ROBO2: variants seen among roughly 807,000 people sequenced by gnomAD.
The protein encoded by ROBO2 is roundabout homolog 2.
Under a neutral mutation model 160.8 loss-of-function variants are expected in ROBO2, and 53 were observed. That is an observed-to-expected ratio of 0.33 (90% CI 0.26 to 0.41). The LOEUF (loss-of-function observed/expected upper bound fraction) is 0.41, where lower values mean the gene tolerates loss of function less well. Ranked by LOEUF, ROBO2 falls within the 10% of genes least tolerant of loss-of-function variation. ROBO2 has a pLI of 1.00. For missense variants in ROBO2, 1,577 were observed against 1,722.4 expected, an observed-to-expected ratio of 0.92 and a Z score of 1.49; for synonymous variants, 664 against 611.7, an observed-to-expected ratio of 1.09 and a Z score of -1.26.
intron 5 of ROBO2, among the ~76,000 whole-genome samples, chr3:77,519,912 T>A (rs1259760589): frequency 6.6e-6 from 1 of 151,526 alleles, no homozygotes; most frequent in Non-Finnish European, 1.5e-5. Context: ...GTGTAAGCAT[T>A]CTCTTTTTTC....
intron 23 of ROBO2, among the ~76,000 whole-genome samples, chr3:77,628,703 G>A (rs995854159): frequency 1.3e-5 from 2 of 152,110 alleles, no homozygotes; most frequent in African/African-American, 2.4e-5. Flanking sequence ...AAGGGATGTC[G>A]AAAATCCCAG....
intron 15 of ROBO2, 41 bp downstream of exon 16, chr3:77,577,655 T>G (rs2093804473): frequency 6.2e-7 from 1 of 1,611,146 alleles, no homozygotes; most frequent in Admixed American, 1.7e-5. Flanking sequence ...ATGTAAAGGT[T>G]CCCAGAGAAA....
rs1005002409 is a variant in ROBO2 at position 75,935,112 on chromosome 3, G to A, written c.-13-2369G>A. 2.0e-5 allele frequency among the ~76,000 whole-genome samples: 3 copies of A among 151,960 alleles called. No individual in the cohort carries two copies. In the South Asian group the frequency reaches 6.2e-4, roughly 32 times the overall value. The stretch of plus-strand genomic sequence containing the variant: ...CCTGCCTCAGCCTCCCAAAGTGCTG[G>A]GATTACATGCATGTTAAGTGGTACT... On this transcript the variant is annotated intron_variant, in intron 1 of 26. Transcript: ENST00000487694.
intron 2 of ROBO2, among the ~76,000 whole-genome samples, chr3:77,023,025 A>G (rs1278571611): frequency 1.3e-5 from 2 of 152,072 alleles, no homozygotes; most frequent in Non-Finnish European, 2.9e-5. Context: ...TAGGAATCTC[A>G]TATATACAAT....
At chr3:76,946,781 T>A (rs2078575384) in intron 2 of ROBO2, among the ~76,000 whole-genome samples, 1 of 152,130 alleles carries the variant, frequency 6.6e-6, no homozygotes. Context: ...CTCCCCAAAC[T>A]CCCAGTTCAA....
chr3:76,416,592 C>T (rs577849045), intron 2 of ROBO2, among the ~76,000 whole-genome samples: 1 of 152,074 alleles, frequency 6.6e-6, no homozygotes, highest in African/African-American at 2.4e-5. Flanking sequence ...CTCACTTTTG[C>T]CCATGTTTTG....
At chr3:76,707,674 C>G (rs1272644859) in intron 2 of ROBO2, among the ~76,000 whole-genome samples, 3 of 149,846 alleles carry the variant, frequency 2.0e-5, no homozygotes, top group African/African-American at 7.4e-5. Context: ...ATGCCTAGTA[C>G]TTTGGTAAGA....
At chr3:76,780,848 T>C (rs1023469075) in intron 2 of ROBO2, among the ~76,000 whole-genome samples, 1 of 150,874 alleles carries the variant, frequency 6.6e-6, no homozygotes. Flanking sequence ...TCAGAAAGTG[T>C]AATGTTTTCA....
intron 1 of ROBO2, among the ~76,000 whole-genome samples, chr3:75,926,236 G>A (rs938591519): frequency 6.6e-6 from 1 of 152,114 alleles, no homozygotes; most frequent in Non-Finnish European, 1.5e-5. Flanking sequence ...TAATAGCACA[G>A]CATTATTTAT....
chr3:77,341,379 G>A (rs971663070), intron 2 of ROBO2, among the ~76,000 whole-genome samples: 1 of 152,144 alleles, frequency 6.6e-6, no homozygotes. Context: ...AATCTTGACT[G>A]TAGATTTAAG....
chr3:76,206,316 CTTAA>C (rs533523148), intron 2 of ROBO2, among the ~76,000 whole-genome samples: 41 of 152,094 alleles, frequency 2.7e-4, no homozygotes, highest in Admixed American at 1.2e-3. Context: ...TATTTTTAAA[CTTAA>C]TTAATATCAA....
chr3:77,351,064 G>A (rs2068276721), intron 2 of ROBO2, among the ~76,000 whole-genome samples: 1 of 152,098 alleles, frequency 6.6e-6, no homozygotes, highest in African/African-American at 2.4e-5. Flanking sequence ...AGCACTCAGG[G>A]AAAATATTTT....
intron 2 of ROBO2, among the ~76,000 whole-genome samples, chr3:76,698,499 T>G (rs1444525682): frequency 6.6e-6 from 1 of 152,166 alleles, no homozygotes; most frequent in Middle Eastern, 3.2e-3. Context: ...TGGGAGGCAG[T>G]GCTGGAAAGA....
chr3:76,878,487 G>A (rs1266026886), intron 2 of ROBO2, among the ~76,000 whole-genome samples: 2 of 152,054 alleles, frequency 1.3e-5, no homozygotes, highest in African/African-American at 2.4e-5. Flanking sequence ...ACATAAATAA[G>A]TATAAAATAA....
At chr3:76,207,442 T>C (rs1702883376) in intron 2 of ROBO2, among the ~76,000 whole-genome samples, 1 of 152,206 alleles carries the variant, frequency 6.6e-6, no homozygotes, top group Admixed American at 6.6e-5. Context: ...TTTTCTCTAG[T>C]ATGTTTATCA....
intron 2 of ROBO2, among the ~76,000 whole-genome samples, chr3:76,093,968 G>A (rs1039748776): frequency 6.6e-6 from 1 of 152,034 alleles, no homozygotes; most frequent in Non-Finnish European, 1.5e-5. Context: ...AGCATTTGAG[G>A]TTTCTAATTT....
chr3:77,541,630 T>C lies in ROBO2; in HGVS notation c.935-4708T>C, dbSNP rs527446962. The stretch of plus-strand genomic sequence containing the variant: ...TATAGAGCTATTGTTTTTCAGCTTG[T>C]AAGTGTTGATTAAACACTAAATTGT... On this transcript the variant is annotated intron_variant, in intron 6 of 25. Coordinates refer to ENST00000461745, the Ensembl canonical transcript of ROBO2. 3.9e-5 allele frequency among the ~76,000 whole-genome samples: 6 copies of C among 152,352 alleles called. No individual in the cohort carries two copies. In the South Asian group the frequency reaches 8.3e-4, roughly 21 times the overall value.
intron 2 of ROBO2, among the ~76,000 whole-genome samples, chr3:76,457,111 C>A (rs998376161): frequency 6.6e-6 from 1 of 152,172 alleles, no homozygotes; most frequent in African/African-American, 2.4e-5. Context: ...ACCAACCATG[C>A]CTTCCTAGTA....
chr3:76,874,043 G>A (rs930064174), intron 2 of ROBO2, among the ~76,000 whole-genome samples: 1 of 152,108 alleles, frequency 6.6e-6, no homozygotes, highest in Non-Finnish European at 1.5e-5. Context: ...ATTTCCTCCA[G>A]TTCCCCAAGT....
Sources: gnomAD v4.1 joint callset for allele counts (sites outside exome capture counted in the v4.1 genomes callset) on GRCh38, gnomAD v4.1.1 for gene constraint, MANE v1.5 for transcripts, NCBI Gene and HGNC (gene_info 2026-07-23, HGNC 2026-07-21) for gene names.